The following RORB variants were observed in gnomAD, a reference collection of about 807,000 sequenced individuals.
RORB encodes the protein RAR related orphan receptor B.
Under a neutral mutation model 59.1 loss-of-function variants are expected in RORB, and 6 were observed. The ratio of observed to expected loss-of-function variants is 0.10; its 90% CI spans 0.06 to 0.20. The LOEUF is 0.20. Among genes scored for constraint, RORB ranks in the 10% least tolerant of loss-of-function variants. The probability of loss-of-function intolerance (pLI) is 1.00; values close to 1 mark genes in which losing one functional copy is unlikely to be tolerated. For missense variants in RORB, 320 were observed against 560.5 expected, an observed-to-expected ratio of 0.57 and a Z score of 4.33; for synonymous variants, 215 against 204.5, an observed-to-expected ratio of 1.05 and a Z score of -0.44.
chr9:74,664,610 A>G (rs1824238815), intron 6 of RORB, among the ~76,000 whole-genome samples: 1 of 152,228 alleles, frequency 6.6e-6, no homozygotes, highest in Admixed American at 6.5e-5. Context: ...GCATTCCTTC[A>G]ATTAATATTT....
intron 1 of RORB, among the ~76,000 whole-genome samples, chr9:74,516,806 C>T (rs969227062): frequency 5.3e-5 from 8 of 152,044 alleles, no homozygotes; most frequent in East Asian, 1.9e-4. Context: ...GTGTTTTTTC[C>T]TTATATTTAT....
chr9:74,622,205 T>G (rs989169074), intron 1 of RORB, among the ~76,000 whole-genome samples: 1 of 152,132 alleles, frequency 6.6e-6, no homozygotes, highest in African/African-American at 2.4e-5. Flanking sequence ...GAGCTTCCTG[T>G]TGAAGGTTTA....
intron 1 of RORB, among the ~76,000 whole-genome samples, chr9:74,516,593 C>G (rs941068951): frequency 6.6e-6 from 1 of 151,946 alleles, no homozygotes; most frequent in African/African-American, 2.4e-5. Context: ...AAACTTGCCT[C>G]TTAATGATTT....
intron 1 of RORB, among the ~76,000 whole-genome samples, chr9:74,612,603 CT>C: frequency 6.6e-6 from 1 of 152,244 alleles, no homozygotes; most frequent in East Asian, 1.9e-4. Flanking sequence ...CTTTGATTCT[CT>C]TTTGTACCCA....
intron 1 of RORB, among the ~76,000 whole-genome samples, chr9:74,608,017 G>A (rs1304135041): frequency 6.6e-6 from 1 of 152,112 alleles, no homozygotes; most frequent in Non-Finnish European, 1.5e-5. Context: ...CATGCTGAAT[G>A]AGAACCAGGA....
intron 1 of RORB, among the ~76,000 whole-genome samples, chr9:74,620,814 A>G (rs915463628): frequency 1.3e-5 from 2 of 152,158 alleles, no homozygotes; most frequent in African/African-American, 4.8e-5. Flanking sequence ...CCCAGTAGTC[A>G]TTCAGGAGCA....
intron 1 of RORB, among the ~76,000 whole-genome samples, chr9:74,537,576 G>A (rs745894080): frequency 5.3e-5 from 8 of 151,794 alleles, no homozygotes; most frequent in Non-Finnish European, 1.2e-4. Context: ...TCAAAAATAA[G>A]CATTTTATTC....
rs1249692611 is a variant in RORB at position 74,692,181 on chromosome 9, T to G, written c.*6563T>G. ...ATGTTGTAAAGAACCTAGGGGAGGG[T>G]TGGGGAGAGACTGAGAGGGAGGAAA... On this transcript the variant is annotated 3_prime_UTR_variant, in exon 10 of 10. Transcript: ENST00000376896. 2 of 151,832 alleles carry G rather than the reference T, an allele frequency of 1.3e-5. No homozygotes were observed. The highest frequency in any genetic ancestry group is 4.8e-5 in the African/African-American group (2 of 41,294). The allele number at this position is 151,832 out of a possible 1,614,324, so 9.4% of individuals were successfully genotyped here.
intron 1 of RORB, among the ~76,000 whole-genome samples, chr9:74,538,373 A>G (rs1345993602): frequency 6.6e-6 from 1 of 151,092 alleles, no homozygotes; most frequent in Non-Finnish European, 1.5e-5. Flanking sequence ...TTAACAATAA[A>G]GAAATTTATT....
chr9:74,647,612 C>T (rs1360529160), intron 4 of RORB, among the ~76,000 whole-genome samples: 13 of 152,000 alleles, frequency 8.6e-5, no homozygotes, highest in Admixed American at 8.5e-4. Context: ...ATATTGCTTT[C>T]GTGTTCTATT....
chr9:74,570,811 C>T (rs779269673), intron 1 of RORB, among the ~76,000 whole-genome samples: 1 of 152,132 alleles, frequency 6.6e-6, no homozygotes, highest in South Asian at 2.1e-4. Flanking sequence ...TCTTACTATA[C>T]CTCCGAGTTA....
intron 8 of RORB, among the ~76,000 whole-genome samples, chr9:74,669,496 A>C (rs1026492918): frequency 1.3e-5 from 2 of 148,288 alleles, no homozygotes; most frequent in African/African-American, 5.0e-5. Context: ...AAAAAAAAAA[A>C]GTATATGCCA....
At chr9:74,635,417 A>G (rs1411000048) in intron 3 of RORB, among the ~76,000 whole-genome samples, 2 of 152,208 alleles carry the variant, frequency 1.3e-5, no homozygotes, top group African/African-American at 4.8e-5. Flanking sequence ...TGGCTTCCCA[A>G]GGGAACATCT....
chr9:74,498,136 C>A, intron 1 of RORB, 153 bp downstream of exon 1: 1 of 838,264 alleles, frequency 1.2e-6, no homozygotes, highest in Non-Finnish European at 1.9e-6. Flanking sequence ...CTGCAAATGG[C>A]CTGGGCGTAG....
intron 1 of RORB, among the ~76,000 whole-genome samples, chr9:74,605,947 T>C (rs569912629): frequency 3.2e-4 from 48 of 152,276 alleles, no homozygotes; most frequent in Non-Finnish European, 5.4e-4. Context: ...TCAGGGAATT[T>C]GTATCTCTAA....
chr9:74,525,268 G>A (rs1453913389), intron 1 of RORB, among the ~76,000 whole-genome samples: 1 of 151,862 alleles, frequency 6.6e-6, no homozygotes, highest in Non-Finnish European at 1.5e-5. Flanking sequence ...AGGTTATAAA[G>A]AGTTGGAGGT....
At chr9:74,676,804 C>T (rs1289953393) in intron 9 of RORB, among the ~76,000 whole-genome samples, 2 of 152,228 alleles carry the variant, frequency 1.3e-5, no homozygotes, top group Admixed American at 1.3e-4. Context: ...CTCCTGCTAA[C>T]CATGTAGATG....
chr9:74,524,895 A>G (rs573392296), intron 1 of RORB, among the ~76,000 whole-genome samples: 1 of 151,876 alleles, frequency 6.6e-6, no homozygotes, highest in Non-Finnish European at 1.5e-5. Flanking sequence ...AATACCTAAT[A>G]TTTCAATATT....
chr9:74,498,088 C>T, intron 1 of RORB, 105 bp downstream of exon 1: 1 of 1,332,568 alleles, frequency 7.5e-7, no homozygotes, highest in Admixed American at 2.0e-5. Flanking sequence ...AAGAGGTTGC[C>T]CAGGCGCAGT....
Sources: allele counts gnomAD v4.1 joint callset (sites outside exome capture counted in the v4.1 genomes callset), GRCh38; gene constraint gnomAD v4.1.1; transcripts MANE v1.5; gene names NCBI Gene and HGNC (gene_info 2026-07-23, HGNC 2026-07-21).